Variants in FMN1 observed in about 807,000 individuals in gnomAD.
FMN1 encodes the protein formin-1.
In FMN1, 110 loss-of-function variants were observed where a neutral mutation model predicts 132.4. The ratio of observed to expected loss-of-function variants is 0.83; its 90% CI spans 0.71 to 0.97. FMN1 has a LOEUF of 0.97. Among genes scored for constraint, FMN1 ranks in the 50% least tolerant of loss-of-function variants. FMN1 has a pLI of 0.00. For missense variants in FMN1, 1,792 were observed against 1,705.3 expected (o/e 1.05, Z -0.90); for synonymous variants, 722 against 651.7 (o/e 1.11, Z -1.64).
intron 6 of FMN1, among the ~76,000 whole-genome samples, chr15:33,040,119 A>G (rs1214354912): frequency 1.3e-5 from 2 of 152,140 alleles, no homozygotes; most frequent in Non-Finnish European, 2.9e-5. Context: ...GCTTTGTCTC[A>G]TGTATATCAT....
At chr15:32,818,181 C>T (rs981764649) in intron 17 of FMN1, among the ~76,000 whole-genome samples, 1 of 152,010 alleles carries the variant, frequency 6.6e-6, no homozygotes, top group Non-Finnish European at 1.5e-5. Context: ...ATGTAATGTC[C>T]TTTCTTGCTT....
chr15:33,107,695 A>T (rs901487901), intron 4 of FMN1, among the ~76,000 whole-genome samples: 1 of 152,038 alleles, frequency 6.6e-6, no homozygotes, highest in African/African-American at 2.4e-5. Flanking sequence ...CTTTCTTGTC[A>T]CTGCCTTTTT....
chr15:32,924,743 AG>A (rs2060915496), intron 10 of FMN1, among the ~76,000 whole-genome samples: 1 of 152,232 alleles, frequency 6.6e-6, no homozygotes, highest in African/African-American at 2.4e-5. Context: ...AACATGGAGA[AG>A]CCCCATCTCT....
chr15:33,041,501 G>C (rs1169462664), intron 6 of FMN1, among the ~76,000 whole-genome samples: 1 of 140,314 alleles, frequency 7.1e-6, no homozygotes, highest in Non-Finnish European at 1.5e-5. Flanking sequence ...GAAAAAAATA[G>C]TTAACAATTT....
intron 4 of FMN1, among the ~76,000 whole-genome samples, chr15:33,106,767 A>C (rs2039503821): frequency 1.3e-5 from 2 of 152,058 alleles, no homozygotes; most frequent in South Asian, 4.1e-4. Context: ...TCACTAGTTA[A>C]TAGTAGCATC....
At chr15:32,940,352 A>C (rs1212040361) in intron 9 of FMN1, among the ~76,000 whole-genome samples, 3 of 151,864 alleles carry the variant, frequency 2.0e-5, no homozygotes. Flanking sequence ...GGTCCTCACA[A>C]TACGCAAATT....
Position 32,988,333 on chromosome 15 carries a change from A to C in FMN1, c.2224-18856T>G, listed in dbSNP as rs542524699. 6.6e-5 allele frequency among the ~76,000 whole-genome samples: 10 copies of C among 152,270 alleles called. No individual in the cohort carries two copies. The South Asian group carries it at 1.7e-3, about 25-fold the overall frequency. The stretch of plus-strand genomic sequence containing the variant: ...AACCTTTTAATCTTAAAAAACAATA[A>C]ATTTGAAATTGAGCAAAGTATTTGA... On this transcript the variant is annotated intron_variant, in intron 7 of 20. Transcript: ENST00000616417.
intron 10 of FMN1, among the ~76,000 whole-genome samples, chr15:32,918,679 C>G (rs2060744078): frequency 2.0e-5 from 3 of 152,144 alleles, no homozygotes. Flanking sequence ...TTCTATATCC[C>G]CTCTATTCTC....
At chr15:32,844,075 A>C (rs917479399) in intron 17 of FMN1, among the ~76,000 whole-genome samples, 4 of 152,240 alleles carry the variant, frequency 2.6e-5, no homozygotes, top group African/African-American at 9.6e-5. Context: ...GGAATTAAAT[A>C]ATCACATTCT....
rs141210234 is a variant in FMN1 at position 33,018,927 on chromosome 15, C to T, written c.2162-10852G>A. On this transcript the variant is annotated intron_variant, in intron 6 of 20. Transcript: ENST00000616417. Reference sequence around the variant, plus strand: ...ACTGGCTCAGGAGTGAAGCTGCAGACCTTCCTGGTGAGTGTTACAGCTCAT... The same window carrying T: ...ACTGGCTCAGGAGTGAAGCTGCAGATCTTCCTGGTGAGTGTTACAGCTCAT... Among the ~76,000 whole-genome samples, 10 of 152,236 alleles carry T rather than the reference C, an allele frequency of 6.6e-5. No individual in the cohort carries two copies. In the East Asian group the frequency reaches 9.7e-4, roughly 15 times the overall value.
intron 6 of FMN1, among the ~76,000 whole-genome samples, chr15:33,022,917 C>T (rs542626297): frequency 6.6e-6 from 1 of 151,904 alleles, no homozygotes; most frequent in East Asian, 1.9e-4. Context: ...ACAGTGGCTC[C>T]AGCCTGTAAT....
At chr15:32,990,392 G>A (rs1442426097) in intron 7 of FMN1, among the ~76,000 whole-genome samples, 2 of 152,126 alleles carry the variant, frequency 1.3e-5, no homozygotes, top group Non-Finnish European at 2.9e-5. Flanking sequence ...TGACTCTCCA[G>A]GATCAGAGCA....
Position 32,792,362 on chromosome 15 carries a change from A to G in FMN1, c.4130+6442T>C, listed in dbSNP as rs189089166. On this transcript the variant is annotated intron_variant, in intron 19 of 20. Coordinates refer to ENST00000616417, the MANE Select transcript of FMN1 (RefSeq NM_001277313.2). ...TGGGAGGCTGAGGCAGGAGAATGGCATGAACCCGGAAGGTGGAGCTTGTAG... is the reference window on the plus strand; with the variant it reads ...TGGGAGGCTGAGGCAGGAGAATGGCGTGAACCCGGAAGGTGGAGCTTGTAG... Among the ~76,000 whole-genome samples the G allele has an allele frequency of 9.7e-3, 1,472 of 151,678 alleles. 11 individuals carry two copies. Among genetic ancestry groups the G allele is most frequent in the Non-Finnish European group, 0.013 (872 of 67,890 alleles).
intron 17 of FMN1, among the ~76,000 whole-genome samples, chr15:32,845,498 T>C (rs1321348740): frequency 6.6e-6 from 1 of 152,196 alleles, no homozygotes; most frequent in African/African-American, 2.4e-5. Flanking sequence ...TATTTCTATT[T>C]ACCCCTAGGG....
At chr15:32,786,803 G>C (rs1263901168) in intron 19 of FMN1, among the ~76,000 whole-genome samples, 1 of 152,220 alleles carries the variant, frequency 6.6e-6, no homozygotes, top group East Asian at 1.9e-4. Flanking sequence ...GCTGTGTCCA[G>C]CCATCCCTCC....
At chr15:32,950,056 T>TATATATATATACACACAC (rs1191276754) in intron 9 of FMN1, among the ~76,000 whole-genome samples, 15 of 71,622 alleles carry the variant, frequency 2.1e-4, no homozygotes, top group African/African-American at 1.0e-3. Flanking sequence ...TATATACACA[T>TATATATATATACACACAC]ATATATATAT....
chr15:32,803,918 C>T (rs1382910147), intron 18 of FMN1, among the ~76,000 whole-genome samples: 1 of 152,208 alleles, frequency 6.6e-6, no homozygotes, highest in Non-Finnish European at 1.5e-5. Context: ...TTCACTCCAG[C>T]TTCCAAGTGA....
At chr15:32,825,636 A>G (rs1001314711) in intron 17 of FMN1, among the ~76,000 whole-genome samples, 8 of 152,340 alleles carry the variant, frequency 5.3e-5, no homozygotes, top group Admixed American at 2.0e-4. Flanking sequence ...CTTGCTAATT[A>G]TAAGTTTATC....
chr15:33,077,339 CTTTTT>C (rs1286397800), intron 5 of FMN1, among the ~76,000 whole-genome samples: 3 of 128,060 alleles, frequency 2.3e-5, no homozygotes, highest in African/African-American at 5.6e-5. Context: ...CCGGCCCATC[CTTTTT>C]TTTTTTTTTA....
Sources: gnomAD v4.1 joint callset for allele counts (sites outside exome capture counted in the v4.1 genomes callset) on GRCh38, gnomAD v4.1.1 for gene constraint, MANE v1.5 for transcripts, NCBI Gene and HGNC (gene_info 2026-07-23, HGNC 2026-07-21) for gene names.